Variants in DPYSL2 observed in about 807,000 individuals in gnomAD.
DPYSL2 encodes dihydropyrimidinase like 2, also known as dihydropyrimidinase-related protein 2.
In DPYSL2, 13 loss-of-function variants were observed where a neutral mutation model predicts 69.9. The ratio of observed to expected loss-of-function variants is 0.19; its 90% CI spans 0.12 to 0.30. The LOEUF (loss-of-function observed/expected upper bound fraction) is 0.30. Ranked by LOEUF, DPYSL2 falls within the 10% of genes least tolerant of loss-of-function variation. DPYSL2 has a pLI of 1.00. For missense variants in DPYSL2, 587 were observed against 918.9 expected, an observed-to-expected ratio of 0.64 and a Z score of 4.67; for synonymous variants, 326 against 359.1, an observed-to-expected ratio of 0.91 and a Z score of 1.04.
At chr8:26,524,800 TCAAAAAAAA>T (rs1563374087) in intron 1 of DPYSL2, among the ~76,000 whole-genome samples, 1 of 38,284 alleles carries the variant, frequency 2.6e-5, no homozygotes, top group Non-Finnish European at 4.1e-5. Flanking sequence ...AGACTCTGTC[TCAAAAAAAA>T]AAAAAAAAAA....
At chr8:26,635,087 G>T (rs934558421) in intron 8 of DPYSL2, among the ~76,000 whole-genome samples, 187 bp downstream of exon 8, 1 of 152,226 alleles carries the variant, frequency 6.6e-6, no homozygotes. Flanking sequence ...CTCCACTGCT[G>T]CGGCCTTGTT....
At chr8:26,639,274 A>G (rs936415127) in intron 8 of DPYSL2, among the ~76,000 whole-genome samples, 2 of 152,194 alleles carry the variant, frequency 1.3e-5, no homozygotes, top group Non-Finnish European at 2.9e-5. Context: ...GGGAAGATTT[A>G]TTTTAAAGAA....
rs935929350 is a variant in DPYSL2 at position 26,617,896 on chromosome 8, T to A, written c.629-6247T>A. Among the ~76,000 whole-genome samples the A allele has an allele frequency of 7.2e-5, 11 of 152,172 alleles. No individual in the cohort carries two copies. In the East Asian group the frequency reaches 2.1e-3, roughly 29 times the overall value. ...CTGTAAGTGGGTACCAGGTTTCTTT[T>A]TTGAGTCATGTTCTAAAATTAGATT... is the stretch of plus-strand genomic sequence containing the variant. On this transcript the variant is annotated intron_variant, in intron 3 of 13. Transcript: ENST00000521913. The surrounding 1 kb of genome is among the most constrained non-coding windows in gnomAD (Gnocchi z 4.7).
At position 26,647,878 on chromosome 8, in the gene DPYSL2, G is replaced by C; in HGVS notation, c.1596+78G>C. The C allele has an allele frequency of 6.7e-7, 1 of 1,486,208 alleles. No homozygotes were observed. The highest frequency in any genetic ancestry group is 9.0e-7 in the Non-Finnish European group (1 of 1,115,774). 92.1% of individuals were successfully genotyped at this position (1,486,208 alleles called of 1,614,324 possible). On this transcript the variant is annotated intron_variant, in intron 11 of 13. Coordinates refer to ENST00000521913, the MANE Select transcript of DPYSL2 (RefSeq NM_001197293.3). This position sits in a 1 kb window ranked among gnomAD's most constrained non-coding sequence, Gnocchi z 5.1. ...ACACAGACGGAGGGAGAGCCCCAGG[G>C]TTTCTAAAAAGAACTTGCTGTGATG...
chr8:26,546,947 A>AAAAAAAAAAAAAAAAAAAG (rs1800781445), intron 1 of DPYSL2, among the ~76,000 whole-genome samples: 1 of 145,514 alleles, frequency 6.9e-6, no homozygotes, highest in African/African-American at 2.5e-5. Flanking sequence ...AAAAAAAAAA[A>AAAAAAAAAAAAAAAAAAAG]AAAAGAAAAG....
chr8:26,624,066 T>G lies in DPYSL2; in HGVS notation c.629-77T>G. 2.6e-6 allele frequency: 4 copies of G among 1,533,798 alleles called. No individual in the cohort carries two copies. Among genetic ancestry groups the G allele is most frequent in the Non-Finnish European group, 3.6e-6 (4 of 1,121,762 alleles). On this transcript the variant is annotated intron_variant, in intron 3 of 13. Coordinates refer to ENST00000521913, the MANE Select transcript of DPYSL2 (RefSeq NM_001197293.3). The surrounding 1 kb of genome is among the most constrained non-coding windows in gnomAD (Gnocchi z 4.7). ...TGAACCCAAGAAGCCTTATTCAGGG[T>G]TCAAGTGGGAAAATACCTGCTGGCC...
rs1276286866 is a variant in DPYSL2 at position 26,601,910 on chromosome 8, A to T, written c.628+17927A>T. Among the ~76,000 whole-genome samples the T allele has an allele frequency of 2.6e-5, 4 of 152,388 alleles. No individual in the cohort carries two copies. In the East Asian group the frequency reaches 7.7e-4, roughly 29 times the overall value. On this transcript the variant is annotated intron_variant, in intron 3 of 13. Transcript: ENST00000521913. ...GCGAAAGCAGGGATATTGAGGCAGG[A>T]CAAAGACAGGATTGTATATGACTGT...
intron 3 of DPYSL2, among the ~76,000 whole-genome samples, chr8:26,612,285 G>T (rs1299363346): frequency 1.3e-5 from 2 of 152,192 alleles, no homozygotes; most frequent in Middle Eastern, 3.2e-3. Context: ...ACATAATGTG[G>T]CCATCTGTAT....
chr8:26,579,846 G>A (rs1801445014), intron 1 of DPYSL2, among the ~76,000 whole-genome samples: 1 of 149,884 alleles, frequency 6.7e-6, no homozygotes, highest in African/African-American at 2.5e-5. Context: ...ATAATTTGCT[G>A]TCTTCGTGAA....
intron 7 of DPYSL2, 110 bp from the exon 8 acceptor site, chr8:26,634,670 G>T: frequency 1.3e-6 from 2 of 1,574,294 alleles, no homozygotes; most frequent in Non-Finnish European, 1.7e-6. Context: ...TAGGACCTTG[G>T]AGACCAGCAG....
chr8:26,652,341 G>T lies in DPYSL2; in HGVS notation c.1681G>T (p.Asp561Tyr). ...CAGCCAGGGGAAGATTGTCCTGGAG[G>T]ACGGCACCCTGCATGTCACCGAAGG... Reference protein sequence around the residue: ...VISQGKIVLEDGTLHVTEGSG... With the variant: ...VISQGKIVLEYGTLHVTEGSG... Residue 561 changes from aspartate (D) to tyrosine (Y), a missense_variant, in exon 12 of 14, where the codon GAC (aspartate) becomes TAC (tyrosine). Coordinates refer to ENST00000521913, the MANE Select transcript of DPYSL2 (RefSeq NM_001197293.3). The surrounding 1 kb of genome is among the most constrained non-coding windows in gnomAD (Gnocchi z 6.3). 1 of 1,614,244 alleles carries T rather than the reference G, an allele frequency of 6.2e-7. No individual in the cohort carries two copies.
chr8:26,517,465 C>A lies in DPYSL2; in HGVS notation c.354+2786C>A, dbSNP rs1808311266. Among the ~76,000 whole-genome samples, 1 of 152,144 alleles carries A rather than the reference C, an allele frequency of 6.6e-6. No individual in the cohort carries two copies. Among genetic ancestry groups the A allele is most frequent in the South Asian group, 2.1e-4 (1 of 4,824 alleles). On this transcript the variant is annotated intron_variant, in intron 1 of 13. Transcript: ENST00000521913. This position sits in a 1 kb window ranked among gnomAD's most constrained non-coding sequence, Gnocchi z 4.2. ...TGTTACTCTCTTTTTCCTATAAGTC[C>A]ACTTTGGGCTTCAGTGAGGTTACAT...
At chr8:26,637,964 C>G (rs987460311) in intron 8 of DPYSL2, 3 of 152,256 alleles carry the variant, frequency 2.0e-5, no homozygotes, top group Non-Finnish European at 1.5e-5. Context: ...AAGATGCCTG[C>G]TGACCCTGGA....
rs1310509975 is a variant in DPYSL2, at chr8:26,582,014, C to A, written c.400C>A (p.Gln134Lys). The change falls in exon 2 of 14, where the codon CAG (glutamine) becomes AAG (lysine). Residue 134 changes from glutamine to lysine, a missense_variant. This residue lies in a region of DPYSL2 where 452 missense variants were observed against 754.3 expected (regional missense o/e 0.60). Coordinates refer to ENST00000521913, the MANE Select transcript of DPYSL2 (RefSeq NM_001197293.3). This position sits in a 1 kb window ranked among gnomAD's most constrained non-coding sequence, Gnocchi z 4.1. ...AGGAGGTAAAATTGTTAATGATGAC[C>A]AGTCGTTCTATGCAGACATATACAT... ...IKGGKIVNDD[Q>K]SFYADIYMED... 6.2e-7 allele frequency: 1 copy of A among 1,613,956 alleles called. No individual in the cohort carries two copies. The highest frequency in any genetic ancestry group is 8.5e-7 in the Non-Finnish European group (1 of 1,180,000).
intron 8 of DPYSL2, chr8:26,637,916 G>A (rs190155491): frequency 1.8e-4 from 27 of 152,348 alleles, no homozygotes; most frequent in African/African-American, 6.3e-4. Flanking sequence ...AGGATGAAGG[G>A]GCTGGTCTAA....
At chr8:26,623,515 A>G (rs1276521893) in intron 3 of DPYSL2, among the ~76,000 whole-genome samples, 2 of 152,166 alleles carry the variant, frequency 1.3e-5, no homozygotes, top group Non-Finnish European at 2.9e-5. Context: ...CAGGAAACCA[A>G]CTCGGGTCAG....
intron 1 of DPYSL2, among the ~76,000 whole-genome samples, chr8:26,521,827 G>A (rs1329619436): frequency 6.6e-6 from 1 of 151,964 alleles, no homozygotes; most frequent in African/African-American, 2.4e-5. Context: ...TGTTTTCAAG[G>A]TTCATCTATG....
At position 26,628,079 on chromosome 8, in the gene DPYSL2, G is replaced by A. The variant is rs543943609; in HGVS notation, c.1005+139G>A. On this transcript the variant is annotated intron_variant, in intron 7 of 13. Coordinates refer to ENST00000521913, the MANE Select transcript of DPYSL2 (RefSeq NM_001197293.3). ...GTCTTTCTGAGAAGCTGTGGGTCAC[G>A]TGTGTGTCTGTCTGTCTACGCAGGC... The A allele has an allele frequency of 5.6e-5, 46 of 820,090 alleles. No homozygotes were observed. In the South Asian group the frequency reaches 6.3e-4, roughly 11 times the overall value. 50.8% of individuals were successfully genotyped at this position (820,090 alleles called of 1,614,324 possible). A position where few individuals can be genotyped will look rare whatever the true frequency, so the allele number is the denominator to read the frequency against.
At position 26,514,576 on chromosome 8, in the gene DPYSL2, G is replaced by C. The variant is rs1347409199; in HGVS notation, c.251G>C (p.Arg84Pro). Residue 84 changes from arginine to proline, a missense_variant, in exon 1 of 14, where the codon CGG becomes CCG. Arg to Pro is a moderately radical substitution (Grantham distance 103). Around this residue, in one of 3 missense-constraint regions of DPYSL2, gnomAD observed 85 missense variants for 77.7 expected, o/e 1.09. Coordinates refer to ENST00000521913, the MANE Select transcript of DPYSL2 (RefSeq NM_001197293.3). The surrounding 1 kb of genome is among the most constrained non-coding windows in gnomAD (Gnocchi z 8.4). ...LGPDPQPPYSRQGRRAGGEPS... is the reference protein window; with the variant it reads ...LGPDPQPPYSPQGRRAGGEPS... ...CCGGACCCGCAGCCGCCGTACTCGC[G>C]GCAGGGCCGGCGCGCCGGCGGAGAG... 9.2e-6 allele frequency: 14 copies of C among 1,522,562 alleles called. No individual in the cohort carries two copies. Among genetic ancestry groups the C allele is most frequent in the East Asian group, 2.5e-5 (1 of 40,180 alleles). The allele number at this position is 1,522,562 out of a possible 1,614,324, so 94.3% of individuals were successfully genotyped here. A position where few individuals can be genotyped will look rare whatever the true frequency, so the allele number is the denominator to read the frequency against.
Sources: gnomAD v4.1 joint callset for allele counts (sites outside exome capture counted in the v4.1 genomes callset) on GRCh38, gnomAD v4.1.1 for gene constraint, gnomAD v4.1.1 regional missense constraint, Gnocchi (gnomAD v3.1) non-coding constraint, MANE v1.5 for transcripts, NCBI Gene and HGNC (gene_info 2026-07-23, HGNC 2026-07-21) for gene names.